F2RL1: variants seen among roughly 807,000 people sequenced by gnomAD.
F2RL1 encodes F2R like trypsin receptor 1.
F2RL1 carries 16 observed loss-of-function variants against 21.7 expected under a neutral mutation model. That is an observed-to-expected ratio of 0.74 (90% CI 0.50 to 1.12). The LOEUF (loss-of-function observed/expected upper bound fraction) is 1.12. Among genes scored for constraint, F2RL1 ranks in the 50% most tolerant of loss-of-function variants. The probability of loss-of-function intolerance (pLI) is 0.00; values close to 1 mark genes in which losing one functional copy is unlikely to be tolerated. For missense variants in F2RL1, 432 were observed against 477.8 expected (o/e 0.90, Z 0.89); for synonymous variants, 181 against 186.7 (o/e 0.97, Z 0.25).
intron 1 of F2RL1, among the ~76,000 whole-genome samples, chr5:76,822,950 G>A (rs1453948646): frequency 6.6e-6 from 1 of 152,172 alleles, no homozygotes; most frequent in African/African-American, 2.4e-5. Context: ...AAAAGTTTTA[G>A]GCCAAGCGTG....
At chr5:76,831,128 T>C (rs1299107796) in intron 1 of F2RL1, among the ~76,000 whole-genome samples, 1 of 152,100 alleles carries the variant, frequency 6.6e-6, no homozygotes, top group African/African-American at 2.4e-5. Flanking sequence ...GGTTTTTAGG[T>C]CAACTTCATA....
intron 1 of F2RL1, among the ~76,000 whole-genome samples, chr5:76,829,192 T>C (rs1033894183): frequency 2.0e-5 from 3 of 152,024 alleles, no homozygotes; most frequent in African/African-American, 7.2e-5. Context: ...ATGACTGATA[T>C]GTCTTTTAAA....
intron 1 of F2RL1, among the ~76,000 whole-genome samples, chr5:76,819,655 C>A (rs1750092181): frequency 6.6e-6 from 1 of 152,108 alleles, no homozygotes; most frequent in Non-Finnish European, 1.5e-5. Context: ...GCTTTGTAAA[C>A]ACTAAGTCAT....
At position 76,833,540 on chromosome 5, in the gene F2RL1, T is replaced by G. The variant is rs1415785914; in HGVS notation, c.933T>G (p.Tyr311Ter). Residue 311 changes from tyrosine to a stop codon, truncating the protein, a stop_gained, in exon 2 of 2, where the codon TAT (tyrosine) becomes TAG (stop). Transcript: ENST00000296677. LOFTEE classifies it high-confidence loss of function. ...GTAACCTTCTGCTTGTGGTGCATTA[T>G]TTTCTGATTAAGAGCCAGGGCCAGA... ...TPSNLLLVVHYFLIKSQGQSH... is the reference protein window; with the variant it reads ...TPSNLLLVVH 2 of 1,613,772 alleles carry G rather than the reference T, an allele frequency of 1.2e-6. No individual in the cohort carries two copies. The highest frequency in any genetic ancestry group is 1.7e-6 in the Non-Finnish European group (2 of 1,179,986).
chr5:76,831,147 G>C (rs947932819), intron 1 of F2RL1, among the ~76,000 whole-genome samples: 1 of 152,170 alleles, frequency 6.6e-6, no homozygotes, highest in Non-Finnish European at 1.5e-5. Flanking sequence ...TAATATAAGA[G>C]AGGGATAATA....
Position 76,834,239 on chromosome 5 carries a change from C to T in F2RL1, c.*438C>T, listed in dbSNP as rs1750416641. The T allele has an allele frequency of 6.5e-6, 1 of 153,094 alleles. No homozygotes were observed. Among genetic ancestry groups the T allele is most frequent in the African/African-American group, 2.4e-5 (1 of 41,436 alleles). The allele number at this position is 153,094 out of a possible 1,614,324, so 9.5% of individuals were successfully genotyped here. ...CTGAACGACCTTACAAATGAGGAAA[C>T]CAAGATAAATGAGCTGCCAGAATCA... On this transcript the variant is annotated 3_prime_UTR_variant, in exon 2 of 2. Transcript: ENST00000296677.
intron 1 of F2RL1, among the ~76,000 whole-genome samples, chr5:76,826,434 G>T (rs1388610812): frequency 6.6e-6 from 1 of 152,028 alleles, no homozygotes; most frequent in Admixed American, 6.6e-5. Context: ...GATAGAAATG[G>T]GATAATGTGT....
chr5:76,833,097 C>T lies in F2RL1; in HGVS notation c.490C>T (p.Leu164Phe), dbSNP rs1750381105. The change falls in exon 2 of 2, where the codon CTC becomes TTC. Residue 164 changes from leucine to phenylalanine, a missense_variant. Leu to Phe is a conservative substitution (Grantham distance 22). Coordinates refer to ENST00000296677, the MANE Select transcript of F2RL1 (RefSeq NM_005242.6). ...FFYGNMYCSI[L>F]FMTCLSVQRY... ...CTATGGCAACATGTACTGTTCCATT[C>T]TCTTCATGACCTGCCTCAGTGTGCA... The T allele has an allele frequency of 1.9e-6, 3 of 1,614,200 alleles. No individual in the cohort carries two copies. Among genetic ancestry groups the T allele is most frequent in the Non-Finnish European group, 2.5e-6 (3 of 1,180,038 alleles).
At chr5:76,826,403 A>T (rs528467982) in intron 1 of F2RL1, among the ~76,000 whole-genome samples, 1 of 152,114 alleles carries the variant, frequency 6.6e-6, no homozygotes, top group Non-Finnish European at 1.5e-5. Context: ...CTATTTATGG[A>T]TTTGCCTATT....
Position 76,819,260 on chromosome 5 carries a change from C to T in F2RL1, c.78C>T (p.Ile26=). Residue 26 remains isoleucine, a synonymous_variant, in exon 1 of 2, where the codon ATC becomes ATT. Coordinates refer to ENST00000296677, the MANE Select transcript of F2RL1 (RefSeq NM_005242.6). ...CCTCTCTCTCCTGCAGTGGCACCAT[C>T]CAAGGTGAGAAACCTGGCCAAGGAG... is the stretch of plus-strand genomic sequence containing the variant. ...LAASLSCSGT[I]QGTSRSSKGR... is the part of the protein sequence containing the mutation. 6.3e-7 allele frequency: 1 copy of T among 1,590,080 alleles called. No individual in the cohort carries two copies. The highest frequency in any genetic ancestry group is 1.1e-5 in the South Asian group (1 of 89,184).
In F2RL1 at chr5:76,819,084, T is replaced by C; in HGVS notation, c.-99T>C. 2.0e-6 allele frequency: 2 copies of C among 994,362 alleles called. No homozygotes were observed. Among genetic ancestry groups the C allele is most frequent in the Non-Finnish European group, 3.0e-6 (2 of 676,226 alleles). 61.6% of individuals were successfully genotyped at this position (994,362 alleles called of 1,614,324 possible). A position where few individuals can be genotyped will look rare whatever the true frequency, so the allele number is the denominator to read the frequency against. On this transcript the variant is annotated 5_prime_UTR_variant, in exon 1 of 2. Transcript: ENST00000296677. Reference sequence around the variant, plus strand: ...AGCAGAGGCTCCGATTCGGGGCAGGTGAGAGGCTGACTTTCTCTCGGTGCG... The same window carrying C: ...AGCAGAGGCTCCGATTCGGGGCAGGCGAGAGGCTGACTTTCTCTCGGTGCG...
rs937695985 is a variant in F2RL1, at chr5:76,822,879, C to T, written c.82+3615C>T. ...TAATGCAAGTAAAGTGCTTGTTTTA[C>T]ACTTGGTTTGATGGGGAGGTTGGGC... On this transcript the variant is annotated intron_variant, in intron 1 of 1. Transcript: ENST00000296677. 6.6e-5 allele frequency among the ~76,000 whole-genome samples: 10 copies of T among 152,086 alleles called. No homozygotes were observed. The East Asian group carries it at 1.7e-3, about 26-fold the overall frequency.
intron 1 of F2RL1, among the ~76,000 whole-genome samples, chr5:76,824,106 C>T (rs1351438273): frequency 1.3e-5 from 2 of 151,226 alleles, no homozygotes; most frequent in South Asian, 2.1e-4. Context: ...GCCACTGCGC[C>T]GACCCTGTAC....
At chr5:76,821,842 AAGT>A (rs1750141747) in intron 1 of F2RL1, among the ~76,000 whole-genome samples, 3 of 151,854 alleles carry the variant, frequency 2.0e-5, no homozygotes, top group Admixed American at 2.0e-4. Context: ...CAGCCTCCCA[AAGT>A]GCTGGGATTA....
At chr5:76,823,320 G>A (rs1458921489) in intron 1 of F2RL1, among the ~76,000 whole-genome samples, 3 of 150,644 alleles carry the variant, frequency 2.0e-5, no homozygotes, top group Non-Finnish European at 4.4e-5. Context: ...CATTCTTTCT[G>A]GTCTCCAATC....
At chr5:76,826,805 T>C (rs1750247797) in intron 1 of F2RL1, among the ~76,000 whole-genome samples, 1 of 152,176 alleles carries the variant, frequency 6.6e-6, no homozygotes, top group Non-Finnish European at 1.5e-5. Flanking sequence ...AATATTCCAT[T>C]GTATGGATAT....
At chr5:76,830,243 C>T (rs1750326851) in intron 1 of F2RL1, among the ~76,000 whole-genome samples, 1 of 152,182 alleles carries the variant, frequency 6.6e-6, no homozygotes, top group Admixed American at 6.6e-5. Context: ...TCTGGCTTCT[C>T]CTTTTCTGCG....
At chr5:76,831,469 A>C (rs1750346714) in intron 1 of F2RL1, among the ~76,000 whole-genome samples, 1 of 151,912 alleles carries the variant, frequency 6.6e-6, no homozygotes, top group Admixed American at 6.6e-5. Context: ...AACTGGTGTC[A>C]GGATGGGGAT....
chr5:76,833,454 A>G lies in F2RL1; in HGVS notation c.847A>G (p.Lys283Glu), dbSNP rs1244070036. Residue 283 changes from lysine (K) to glutamate (E), a missense_variant, in exon 2 of 2, where the codon AAG (lysine) becomes GAG (glutamate). Physicochemically the swap from Lys to Glu is moderately conservative, Grantham distance 56. Coordinates refer to ENST00000296677, the MANE Select transcript of F2RL1 (RefSeq NM_005242.6). ...AMDENSEKKR[K>E]RAIKLIVTVL... ...GGATGAAAACTCAGAGAAGAAAAGGAAGAGGGCCATCAAACTCATTGTCAC... is the reference window on the plus strand; with the variant it reads ...GGATGAAAACTCAGAGAAGAAAAGGGAGAGGGCCATCAAACTCATTGTCAC... 1 of 1,613,828 alleles carries G rather than the reference A, an allele frequency of 6.2e-7. No individual in the cohort carries two copies. Among genetic ancestry groups the G allele is most frequent in the Non-Finnish European group, 8.5e-7 (1 of 1,179,988 alleles).
Sources: allele counts gnomAD v4.1 joint callset (sites outside exome capture counted in the v4.1 genomes callset), GRCh38; gene constraint gnomAD v4.1.1; transcripts MANE v1.5; gene names NCBI Gene and HGNC (gene_info 2026-07-23, HGNC 2026-07-21).